KATNA1: variants seen among roughly 807,000 people sequenced by gnomAD.
KATNA1 encodes the protein katanin catalytic subunit A1.
A neutral mutation model predicts 62.6 loss-of-function variants in KATNA1; 42 were observed. That is an observed-to-expected ratio of 0.67 (90% CI 0.52 to 0.87). The LOEUF (loss-of-function observed/expected upper bound fraction) is 0.87. KATNA1 is among the 40% of genes least tolerant of loss of function. The pLI is 0.00. For missense variants in KATNA1, 498 were observed against 612.5 expected, an observed-to-expected ratio of 0.81 and a Z score of 1.97; for synonymous variants, 186 against 201.9, an observed-to-expected ratio of 0.92 and a Z score of 0.67.
intron 4 of KATNA1, among the ~76,000 whole-genome samples, chr6:149,619,447 T>C (rs932013673): frequency 2.0e-5 from 3 of 152,206 alleles, no homozygotes; most frequent in African/African-American, 7.2e-5. Flanking sequence ...ACCCCGTCTC[T>C]ACTAAAATAC....
chr6:149,597,421 A>C, intron 9 of KATNA1, 86 bp downstream of exon 9: 1 of 1,509,080 alleles, frequency 6.6e-7, no homozygotes, highest in South Asian at 1.2e-5. Flanking sequence ...CTCTTCCAGA[A>C]AGTTAGTTAA....
chr6:149,634,001 G>A (rs373291176), intron 2 of KATNA1, among the ~76,000 whole-genome samples: 8 of 151,240 alleles, frequency 5.3e-5, no homozygotes, highest in Non-Finnish European at 1.0e-4. Context: ...GGCCAGGCGC[G>A]GTGGCTCACA....
In KATNA1 at chr6:149,624,597, A is replaced by G. The variant is rs56077604; in HGVS notation, c.321-1314T>C. On this transcript the variant is annotated intron_variant, in intron 3 of 10. Coordinates refer to ENST00000367411, the MANE Select transcript of KATNA1 (RefSeq NM_007044.4). Reference sequence around the variant, plus strand: ...GTCTCACTATGTTGCCTAGGCTAGTATCAAACCCCTGGGCTCAATCGATCC... The same window carrying G: ...GTCTCACTATGTTGCCTAGGCTAGTGTCAAACCCCTGGGCTCAATCGATCC... 8.3e-3 allele frequency among the ~76,000 whole-genome samples: 1,256 copies of G among 151,976 alleles called. 18 individuals are homozygous for G. The highest frequency in any genetic ancestry group is 0.029 in the African/African-American group (1,209 of 41,458).
intron 3 of KATNA1, among the ~76,000 whole-genome samples, chr6:149,630,066 T>C (rs1305219239): frequency 6.6e-6 from 1 of 152,200 alleles, no homozygotes; most frequent in Non-Finnish European, 1.5e-5. Flanking sequence ...AAATTATGGA[T>C]ATAGCACACC....
intron 4 of KATNA1, among the ~76,000 whole-genome samples, chr6:149,611,254 G>T (rs758017786): frequency 6.6e-6 from 1 of 151,988 alleles, no homozygotes; most frequent in African/African-American, 2.4e-5. Context: ...CTGAGATCAG[G>T]AGTTCGAGAC....
chr6:149,604,397 T>TA (rs1310497076), intron 5 of KATNA1, among the ~76,000 whole-genome samples: 1 of 152,154 alleles, frequency 6.6e-6, no homozygotes, highest in East Asian at 1.9e-4. Context: ...GTCTAGGAGT[T>TA]TGAGCCTGCA....
intron 2 of KATNA1, among the ~76,000 whole-genome samples, chr6:149,634,219 G>C (rs1420246854): frequency 6.7e-6 from 1 of 148,996 alleles, no homozygotes; most frequent in Non-Finnish European, 1.5e-5. Flanking sequence ...GTTGCAGTGA[G>C]CCGAGATCGC....
chr6:149,594,920 TTAA>T lies in KATNA1; in HGVS notation c.*113_*115del. 2.5e-6 allele frequency: 2 copies of T among 785,366 alleles called. No individual in the cohort carries two copies. The highest frequency in any genetic ancestry group is 2.2e-5 in the South Asian group (1 of 44,950). 48.6% of individuals were successfully genotyped at this position (785,366 alleles called of 1,614,324 possible). A position where few individuals can be genotyped will look rare whatever the true frequency, so the allele number is the denominator to read the frequency against. ...TTTATTCAGAATCATAAGGGTTTTTTTAAAAAAATCTTACCATTATGAAAGTTA... is the reference window on the plus strand; with the variant it reads ...TTTATTCAGAATCATAAGGGTTTTTTAAAAATCTTACCATTATGAAAGTTA... On this transcript the variant is annotated 3_prime_UTR_variant, in exon 11 of 11. Coordinates refer to ENST00000367411, the MANE Select transcript of KATNA1 (RefSeq NM_007044.4).
At chr6:149,598,967 CA>C (rs1183471777) in intron 7 of KATNA1, among the ~76,000 whole-genome samples, 2 of 151,984 alleles carry the variant, frequency 1.3e-5, no homozygotes, top group Non-Finnish European at 2.9e-5. Context: ...TGGGCTCAAG[CA>C]ATCCTCTCAC....
chr6:149,619,882 C>T (rs1000649610), intron 4 of KATNA1, among the ~76,000 whole-genome samples: 1 of 152,148 alleles, frequency 6.6e-6, no homozygotes, highest in Non-Finnish European at 1.5e-5. Flanking sequence ...ATTATAAACA[C>T]TATTCACAAT....
intron 2 of KATNA1, among the ~76,000 whole-genome samples, chr6:149,634,217 G>A (rs1779969666): frequency 6.8e-6 from 1 of 147,358 alleles, no homozygotes; most frequent in African/African-American, 2.5e-5. Context: ...AAGTTGCAGT[G>A]AGCCGAGATC....
chr6:149,634,358 A>G (rs1244443507), intron 2 of KATNA1, among the ~76,000 whole-genome samples: 1 of 151,770 alleles, frequency 6.6e-6, no homozygotes, highest in Non-Finnish European at 1.5e-5. Flanking sequence ...GCATAACTTT[A>G]AAGTTCTACA....
Position 149,597,205 on chromosome 6 carries a change from A to G in KATNA1, c.1151-16T>C, listed in dbSNP as rs765528205. ...CTGCCTTTTGCTAATGGTAGAAACA[A>G]ATTTTAAAATGTAAGCCTGCAGCAT... On this transcript the variant is annotated splice_polypyrimidine_tract_variant and intron_variant, in intron 9 of 10. Transcript: ENST00000367411. 15 of 1,611,294 alleles carry G rather than the reference A, an allele frequency of 9.3e-6. No homozygotes were observed. The Admixed American group carries it at 1.5e-4, about 16-fold the overall frequency.
At position 149,607,820 on chromosome 6, in the gene KATNA1, C is replaced by T. The variant is rs563542856; in HGVS notation, c.502-3038G>A. ...GTGGCTCACGCCTGTAATCCCAGCA[C>T]TTTGGGAGGCAGAGGCAGGCAGATC... On this transcript the variant is annotated intron_variant, in intron 4 of 10. Transcript: ENST00000367411. Among the ~76,000 whole-genome samples the T allele has an allele frequency of 3.8e-4, 58 of 152,230 alleles. 2 individuals carry two copies. In the South Asian group the frequency reaches 0.012, roughly 32 times the overall value.
At chr6:149,603,477 T>A (rs1778626137) in intron 5 of KATNA1, 104 bp from the exon 6 acceptor site, 1 of 549,922 alleles carries the variant, frequency 1.8e-6, no homozygotes, top group South Asian at 2.5e-5. Flanking sequence ...GCTGACAGAA[T>A]GGTGAGCCTC....
chr6:149,634,230 A>G (rs9322203), intron 2 of KATNA1, among the ~76,000 whole-genome samples: 65,451 of 149,742 alleles, frequency 0.44, 15,759 homozygotes, highest in East Asian at 0.81. Context: ...CCGAGATCGC[A>G]CCATTGCACT....
intron 4 of KATNA1, among the ~76,000 whole-genome samples, chr6:149,611,466 AAAAAAAAAAAAAAG>A (rs978898676): frequency 2.0e-5 from 3 of 148,448 alleles, no homozygotes; most frequent in Non-Finnish European, 3.0e-5. Context: ...CTGTCTCAAA[AAAAAAAAAAAAAAG>A]AAAAAAGAAA....
At chr6:149,617,913 GT>G (rs1267932327) in intron 4 of KATNA1, among the ~76,000 whole-genome samples, 5 of 138,774 alleles carry the variant, frequency 3.6e-5, no homozygotes, top group Admixed American at 7.6e-5. Flanking sequence ...TCCAGCCAGG[GT>G]GACAGAGTGA....
intron 2 of KATNA1, among the ~76,000 whole-genome samples, chr6:149,633,957 CAAATAAAT>C (rs1046643645): frequency 1.3e-5 from 2 of 148,994 alleles, no homozygotes; most frequent in Non-Finnish European, 3.0e-5. Flanking sequence ...AACTCCGGCT[CAAATAAAT>C]AAATAAATAA....
Sources: gnomAD v4.1 joint callset for allele counts (sites outside exome capture counted in the v4.1 genomes callset) on GRCh38, gnomAD v4.1.1 for gene constraint, MANE v1.5 for transcripts, NCBI Gene and HGNC (gene_info 2026-07-23, HGNC 2026-07-21) for gene names.